Variants in CNST observed in about 807,000 individuals in gnomAD.
The protein encoded by CNST is consortin, connexin sorting protein.
CNST carries 39 observed loss-of-function variants against 72.4 expected under a neutral mutation model. The ratio of observed to expected loss-of-function variants is 0.54; its 90% CI spans 0.42 to 0.70. The LOEUF (loss-of-function observed/expected upper bound fraction) is 0.70. Among genes scored for constraint, CNST ranks in the 30% least tolerant of loss-of-function variants. The probability of loss-of-function intolerance (pLI) is 0.00; values close to 1 mark genes in which losing one functional copy is unlikely to be tolerated. For missense variants in CNST, 871 were observed against 868.5 expected, an observed-to-expected ratio of 1.00 and a Z score of -0.04; for synonymous variants, 332 against 320.1, an observed-to-expected ratio of 1.04 and a Z score of -0.40.
intron 9 of CNST, among the ~76,000 whole-genome samples, chr1:246,653,712 T>C (rs1254284452): frequency 1.3e-5 from 2 of 152,230 alleles, no homozygotes; most frequent in Non-Finnish European, 2.9e-5. Flanking sequence ...TGCGCAAAGC[T>C]CTTTTTCTTT....
chr1:246,590,981 C>T (rs931426892), intron 1 of CNST, among the ~76,000 whole-genome samples: 1 of 151,762 alleles, frequency 6.6e-6, no homozygotes, highest in African/African-American at 2.4e-5. Context: ...ACCTAAACTT[C>T]CCCTCACATA....
intron 8 of CNST, among the ~76,000 whole-genome samples, chr1:246,644,182 C>T (rs1665894825): frequency 6.6e-6 from 1 of 152,044 alleles, no homozygotes; most frequent in Non-Finnish European, 1.5e-5. Flanking sequence ...GGGCGGTTCA[C>T]GAGGTCAGGA....
Position 246,568,085 on chromosome 1 carries a change from G to GC in CNST, c.-52+1423dup, listed in dbSNP as rs570869909. Among the ~76,000 whole-genome samples, 589 of 152,130 alleles carry GC rather than the reference G, an allele frequency of 3.9e-3. 3 individuals are homozygous for GC. The highest frequency in any genetic ancestry group is 0.014 in the African/African-American group (565 of 41,474). ...GGAGGCCAAGGTGGGAGGATCACTT[G>GC]CTGCCGGGAGTTCGAAGCCAGACTG... is the stretch of plus-strand genomic sequence containing the variant. On this transcript the variant is annotated intron_variant, in intron 1 of 10. Coordinates refer to ENST00000366513, the MANE Select transcript of CNST (RefSeq NM_152609.3).
intron 9 of CNST, among the ~76,000 whole-genome samples, chr1:246,652,745 C>T (rs953397268): frequency 2.0e-5 from 3 of 152,040 alleles, no homozygotes; most frequent in Non-Finnish European, 4.4e-5. Context: ...TGGCTCACGC[C>T]TGTAATCCCA....
At position 246,634,489 on chromosome 1, in the gene CNST, T is replaced by C. The variant is rs746879740; in HGVS notation, c.720T>C (p.Thr240=). 2.7e-5 allele frequency: 43 copies of C among 1,579,718 alleles called. No individual in the cohort carries two copies. The highest frequency in any genetic ancestry group is 5.1e-6 in the Non-Finnish European group (6 of 1,170,520). ...TAAATTTAGAAACAAAATGGAAAAC[T>C]GTGCAACCACATACAGTTACGGCTC... ...IQEQWETKWK[T]VQPHTVTALR... is the part of the protein sequence containing the mutation. Residue 240 remains threonine (T), a synonymous_variant, in exon 6 of 11, where the codon ACT becomes ACC. Coordinates refer to ENST00000366513, the MANE Select transcript of CNST (RefSeq NM_152609.3).
intron 2 of CNST, among the ~76,000 whole-genome samples, chr1:246,600,137 A>C (rs1662171988): frequency 6.6e-6 from 1 of 152,198 alleles, no homozygotes; most frequent in Non-Finnish European, 1.5e-5. Flanking sequence ...CAGAGATGGC[A>C]GGCGTACCAT....
At position 246,621,638 on chromosome 1, in the gene CNST, C is replaced by T. The variant is rs1394307240; in HGVS notation, c.585+4C>T. 5.6e-6 allele frequency: 9 copies of T among 1,608,678 alleles called. No homozygotes were observed. The South Asian group carries it at 7.7e-5, about 14-fold the overall frequency. Reference sequence around the variant, plus strand: ...ACTTCCCCTTTGCCTTCATCAGGTACTCTGGTAAACCCTTCACTTTCAGCC... The same window carrying T: ...ACTTCCCCTTTGCCTTCATCAGGTATTCTGGTAAACCCTTCACTTTCAGCC... On this transcript the variant is annotated splice_donor_region_variant and intron_variant, in intron 3 of 10. Coordinates refer to ENST00000366513, the MANE Select transcript of CNST (RefSeq NM_152609.3).
chr1:246,631,275 C>A (rs1414322272), intron 3 of CNST, among the ~76,000 whole-genome samples: 1 of 152,030 alleles, frequency 6.6e-6, no homozygotes, highest in African/African-American at 2.4e-5. Flanking sequence ...TGTTCTTTAC[C>A]ATATGTAGCA....
intron 1 of CNST, among the ~76,000 whole-genome samples, chr1:246,587,867 T>A (rs773457222): frequency 3.3e-4 from 50 of 152,370 alleles, no homozygotes; most frequent in Admixed American, 5.2e-4. Flanking sequence ...ATTCACTTTA[T>A]CTGCCCCAAG....
At chr1:246,596,189 A>T (rs1220510340) in intron 2 of CNST, among the ~76,000 whole-genome samples, 1 of 152,058 alleles carries the variant, frequency 6.6e-6, no homozygotes, top group Non-Finnish European at 1.5e-5. Flanking sequence ...GCCAAGGTGG[A>T]GGATTGCTTG....
intron 4 of CNST, chr1:246,632,464 A>C (rs1160106117): frequency 9.8e-6 from 2 of 203,942 alleles, no homozygotes. Context: ...GGCAGGCAAG[A>C]AGACAGCCAG....
At chr1:246,586,105 A>ATGTGTGTGTGTGTG (rs1305896995) in intron 1 of CNST, among the ~76,000 whole-genome samples, 6 of 33,890 alleles carry the variant, frequency 1.8e-4, no homozygotes, top group African/African-American at 5.6e-4. Flanking sequence ...ATATATATAT[A>ATGTGTGTGTGTGTG]TATATATGTG....
chr1:246,652,872 CG>C (rs1167148077), intron 9 of CNST, among the ~76,000 whole-genome samples: 1 of 150,426 alleles, frequency 6.6e-6, no homozygotes, highest in Admixed American at 6.6e-5. Context: ...GGCGTGGTGG[CG>C]GGCGCCTGTA....
At chr1:246,652,685 C>G (rs548465131) in intron 9 of CNST, among the ~76,000 whole-genome samples, 43 of 152,174 alleles carry the variant, frequency 2.8e-4, no homozygotes, top group African/African-American at 1.0e-3. Context: ...GGAAGAAGCC[C>G]TGTGTTACTG....
intron 1 of CNST, among the ~76,000 whole-genome samples, chr1:246,569,093 C>A (rs961310551): frequency 2.6e-5 from 4 of 152,058 alleles, no homozygotes; most frequent in African/African-American, 9.7e-5. Flanking sequence ...TCCTTGCTTG[C>A]TGTTAGAATT....
intron 9 of CNST, among the ~76,000 whole-genome samples, chr1:246,652,340 G>A (rs958170289): frequency 1.3e-5 from 2 of 152,216 alleles, no homozygotes; most frequent in African/African-American, 4.8e-5. Flanking sequence ...CCACGGGGGT[G>A]CGCACTCAGC....
chr1:246,607,713 A>G (rs1321864962), intron 2 of CNST: 1 of 152,110 alleles, frequency 6.6e-6, no homozygotes, highest in East Asian at 1.9e-4. Context: ...TGCTTCGGCT[A>G]CCTTGGTGAC....
chr1:246,652,952 C>T (rs1323197564), intron 9 of CNST, among the ~76,000 whole-genome samples: 15 of 150,142 alleles, frequency 1.0e-4, no homozygotes, highest in East Asian at 3.9e-4. Flanking sequence ...TGCAGTGAGC[C>T]GAGATTGCAC....
Position 246,602,836 on chromosome 1 carries a change from G to C in CNST, c.379+10895G>C, listed in dbSNP as rs75543695. 2.8e-3 allele frequency among the ~76,000 whole-genome samples: 429 copies of C among 152,078 alleles called. 13 individuals are homozygous for C. The East Asian group carries it at 0.07, about 25-fold the overall frequency. On this transcript the variant is annotated intron_variant, in intron 2 of 10. Coordinates refer to ENST00000366513, the MANE Select transcript of CNST (RefSeq NM_152609.3). ...TCTGAACACCTTTCCTGAGATTGCA[G>C]GTGGAACCCAGGATATATGATGGTA... is the stretch of plus-strand genomic sequence containing the variant.
Sources: gnomAD v4.1 joint callset for allele counts (sites outside exome capture counted in the v4.1 genomes callset) on GRCh38, gnomAD v4.1.1 for gene constraint, MANE v1.5 for transcripts, NCBI Gene and HGNC (gene_info 2026-07-23, HGNC 2026-07-21) for gene names.